Variants in TRIM33 observed in about 807,000 individuals in gnomAD.
The protein encoded by TRIM33 is tripartite motif containing 33, also known as E3 ubiquitin-protein ligase TRIM33.
In TRIM33, 20 loss-of-function variants were observed where a neutral mutation model predicts 125.4. The ratio of observed to expected loss-of-function variants is 0.16; its 90% CI spans 0.11 to 0.23. The LOEUF (loss-of-function observed/expected upper bound fraction) is 0.23, where lower values mean the gene tolerates loss of function less well. Among genes scored for constraint, TRIM33 ranks in the 10% least tolerant of loss-of-function variants. The probability of loss-of-function intolerance (pLI) is 1.00; values close to 1 mark genes in which losing one functional copy is unlikely to be tolerated. For synonymous variants in TRIM33, 564 were observed against 513.9 expected (o/e 1.10, Z -1.32); for missense variants, 920 against 1,411.4 (o/e 0.65, Z 5.58).
At chr1:114,474,906 AC>A (rs1650885124) in intron 1 of TRIM33, among the ~76,000 whole-genome samples, 1 of 151,020 alleles carries the variant, frequency 6.6e-6, no homozygotes, top group Non-Finnish European at 1.5e-5. Context: ...AAAAAAAAAA[AC>A]AAGCAGGAGT....
intron 12 of TRIM33, among the ~76,000 whole-genome samples, chr1:114,409,231 T>G (rs1430762967): frequency 6.6e-6 from 1 of 152,178 alleles, no homozygotes; most frequent in Admixed American, 6.6e-5. Context: ...GTTAGAAAAA[T>G]ACATTCAATA....
chr1:114,500,764 A>G (rs1652661518), intron 1 of TRIM33, among the ~76,000 whole-genome samples: 1 of 152,156 alleles, frequency 6.6e-6, no homozygotes, highest in African/African-American at 2.4e-5. Flanking sequence ...AAAGGAGGAA[A>G]AACTATTTTA....
In TRIM33 at chr1:114,397,412, CTTTTGCT is replaced by C. The variant is rs1174575634; in HGVS notation, c.*229_*235del. 1.1e-5 allele frequency: 6 copies of C among 522,494 alleles called. No individual in the cohort carries two copies. Among genetic ancestry groups the C allele is most frequent in the African/African-American group, 5.7e-5 (3 of 52,320 alleles). The allele number at this position is 522,494 out of a possible 1,614,324, so 32.4% of individuals were successfully genotyped here. ...GAACAGAAATCCTCAAATCATTTCA[CTTTTGCT>C]TTTTGCTTTGAAACTTGCAAACAGA... On this transcript the variant is annotated 3_prime_UTR_variant, in exon 20 of 20. Coordinates refer to ENST00000358465, the MANE Select transcript of TRIM33 (RefSeq NM_015906.4).
chr1:114,410,101 T>C, intron 12 of TRIM33, 83 bp downstream of exon 12: 1 of 1,519,160 alleles, frequency 6.6e-7, no homozygotes, highest in Non-Finnish European at 9.1e-7. Context: ...TTATTCTGTT[T>C]TTCTGGAGAA....
chr1:114,407,225 G>T, intron 13 of TRIM33, 125 bp from the exon 14 acceptor site: 1 of 785,222 alleles, frequency 1.3e-6, no homozygotes, highest in Non-Finnish European at 2.0e-6. Flanking sequence ...AGAAGATAAG[G>T]ATACCTCATA....
chr1:114,417,534 C>G (rs1169117721), intron 11 of TRIM33, among the ~76,000 whole-genome samples: 23 of 152,120 alleles, frequency 1.5e-4, no homozygotes, highest in Admixed American at 1.4e-3. Flanking sequence ...CTGTCAATAC[C>G]ATGTGTTTCC....
intron 7 of TRIM33, 98 bp from the exon 8 acceptor site, chr1:114,427,392 C>T: frequency 4.5e-6 from 3 of 673,982 alleles, no homozygotes; most frequent in Non-Finnish European, 7.9e-6. Context: ...TATATTCCCA[C>T]AGTGTCAGCC....
intron 4 of TRIM33, among the ~76,000 whole-genome samples, chr1:114,450,310 T>C (rs1156514294): frequency 6.7e-6 from 1 of 149,194 alleles, no homozygotes; most frequent in Non-Finnish European, 1.5e-5. Context: ...CTCCCGACTT[T>C]CTTTTAACAA....
intron 11 of TRIM33, among the ~76,000 whole-genome samples, chr1:114,419,588 CCT>C (rs1439161855): frequency 2.6e-5 from 4 of 152,102 alleles, no homozygotes; most frequent in African/African-American, 9.7e-5. Flanking sequence ...ATGGTCCAGT[CCT>C]CTCATCACCA....
intron 1 of TRIM33, among the ~76,000 whole-genome samples, chr1:114,501,100 G>C (rs1652685389): frequency 1.2e-5 from 1 of 80,426 alleles, no homozygotes; most frequent in African/African-American, 5.9e-5. Context: ...TGAGGCAGGA[G>C]AATGGCGTGA....
At chr1:114,428,177 T>G (rs915478562) in intron 6 of TRIM33, among the ~76,000 whole-genome samples, 1 of 152,148 alleles carries the variant, frequency 6.6e-6, no homozygotes, top group African/African-American at 2.4e-5. Flanking sequence ...GTCTTCCTAT[T>G]AGATTAATCT....
chr1:114,399,353 G>T (rs966787964), intron 18 of TRIM33, 104 bp downstream of exon 18: 4 of 1,142,474 alleles, frequency 3.5e-6, no homozygotes, highest in African/African-American at 1.6e-5. Context: ...CAGGACTTTA[G>T]CAGAAAAAAA....
intron 1 of TRIM33, among the ~76,000 whole-genome samples, chr1:114,497,042 A>T (rs1314152112): frequency 6.6e-6 from 1 of 151,808 alleles, no homozygotes; most frequent in Admixed American, 6.6e-5. Context: ...AAATCCACTC[A>T]CTCTTCTTTG....
At position 114,397,084 on chromosome 1, in the gene TRIM33, T is replaced by G. The variant is rs977790204; in HGVS notation, c.*564A>C. 3.6e-4 allele frequency: 81 copies of G among 222,672 alleles called. No individual in the cohort carries two copies. The highest frequency in any genetic ancestry group is 3.6e-5 in the Non-Finnish European group (4 of 111,726). 13.8% of individuals were successfully genotyped at this position (222,672 alleles called of 1,614,324 possible). On this transcript the variant is annotated 3_prime_UTR_variant, in exon 20 of 20. Coordinates refer to ENST00000358465, the MANE Select transcript of TRIM33 (RefSeq NM_015906.4). The stretch of plus-strand genomic sequence containing the variant: ...GAGTTCTTTATATCAATTTAAAAAC[T>G]AAGACCCAACAGCATAAAAATGAGA...
chr1:114,467,319 C>T (rs1231842817), intron 1 of TRIM33, among the ~76,000 whole-genome samples: 2 of 151,998 alleles, frequency 1.3e-5, no homozygotes, highest in Non-Finnish European at 2.9e-5. Flanking sequence ...GTGGGTAATG[C>T]ATAGATAATT....
At chr1:114,507,830 T>G (rs994986249) in intron 1 of TRIM33, among the ~76,000 whole-genome samples, 2 of 152,114 alleles carry the variant, frequency 1.3e-5, no homozygotes, top group Non-Finnish European at 1.5e-5. Context: ...AAAAACACGG[T>G]GGATGGCTAG....
intron 1 of TRIM33, among the ~76,000 whole-genome samples, chr1:114,473,561 G>T (rs866648954): frequency 1.3e-5 from 2 of 152,096 alleles, no homozygotes; most frequent in Non-Finnish European, 2.9e-5. Context: ...GAATGAGTCA[G>T]GGCAGAGCAG....
intron 1 of TRIM33, among the ~76,000 whole-genome samples, chr1:114,476,219 A>AG (rs1275018378): frequency 6.6e-6 from 1 of 151,148 alleles, no homozygotes; most frequent in African/African-American, 2.5e-5. Flanking sequence ...AAAACAAATA[A>AG]GAAAAAAAAA....
intron 1 of TRIM33, among the ~76,000 whole-genome samples, chr1:114,478,961 T>A (rs141162861): frequency 6.6e-6 from 1 of 152,114 alleles, no homozygotes; most frequent in African/African-American, 2.4e-5. Context: ...GGCAGGAGAA[T>A]TGCTGAAACC....
Sources: allele counts gnomAD v4.1 joint callset (sites outside exome capture counted in the v4.1 genomes callset), GRCh38; gene constraint gnomAD v4.1.1; transcripts MANE v1.5; gene names NCBI Gene and HGNC (gene_info 2026-07-23, HGNC 2026-07-21).